The following OTOGL variants were observed in gnomAD, a reference collection of about 807,000 sequenced individuals.
OTOGL encodes otogelin like.
Under a neutral mutation model 318.5 loss-of-function variants are expected in OTOGL, and 285 were observed. That is an observed-to-expected ratio of 0.89 (90% CI 0.81 to 0.99). The LOEUF (loss-of-function observed/expected upper bound fraction) is 0.99, where lower values mean the gene tolerates loss of function less well. Among genes scored for constraint, OTOGL ranks in the 50% least tolerant of loss-of-function variants. The pLI is 0.00. For synonymous variants in OTOGL, 987 were observed against 936.5 expected, an observed-to-expected ratio of 1.05 and a Z score of -0.99; for missense variants, 2,899 against 2,845.6, an observed-to-expected ratio of 1.02 and a Z score of -0.43.
At chr12:80,199,601 A>G (rs1396141568) in intron 1 of OTOGL, among the ~76,000 whole-genome samples, 2 of 152,212 alleles carry the variant, frequency 1.3e-5, no homozygotes, top group African/African-American at 2.4e-5. Flanking sequence ...TAGAATTCAT[A>G]CCATCTAATG....
chr12:80,233,160 TG>T, intron 9 of OTOGL, 63 bp downstream of exon 9: 18 of 1,409,308 alleles, frequency 1.3e-5, no homozygotes, highest in Non-Finnish European at 1.7e-5. Context: ...CTGACCAAGT[TG>T]TTTGTACCCA....
intron 1 of OTOGL, among the ~76,000 whole-genome samples, chr12:80,139,574 T>C (rs1664126741): frequency 6.6e-6 from 1 of 152,194 alleles, no homozygotes; most frequent in Admixed American, 6.5e-5. Context: ...TGTTGTTTGT[T>C]TGTTTGATGG....
intron 29 of OTOGL, among the ~76,000 whole-genome samples, chr12:80,306,851 C>A (rs1338410917): frequency 1.4e-5 from 2 of 147,096 alleles, no homozygotes; most frequent in African/African-American, 5.1e-5. Context: ...GTGTTTCTCG[C>A]AGAGGGGGAT....
At chr12:80,128,999 A>G (rs1871058555) in intron 1 of OTOGL, among the ~76,000 whole-genome samples, 2 of 152,134 alleles carry the variant, frequency 1.3e-5, no homozygotes, top group South Asian at 2.1e-4. Context: ...GGGTGAGGTG[A>G]TGCCTCGCCC....
Position 80,283,424 on chromosome 12 carries a change from A to G in OTOGL, c.2928+4258A>G, listed in dbSNP as rs540782048. ...TCTGCTCCCTCAAAGTCATGTGTTC[A>G]GCTCACAGTTATCTGTCCTGTTCTT... On this transcript the variant is annotated intron_variant, in intron 26 of 58. Transcript: ENST00000547103. 1.4e-3 allele frequency among the ~76,000 whole-genome samples: 207 copies of G among 152,048 alleles called. 2 individuals carry two copies. The South Asian group carries it at 0.041, about 30-fold the overall frequency.
chr12:80,274,056 C>T (rs1022401625), intron 24 of OTOGL, among the ~76,000 whole-genome samples: 5 of 151,880 alleles, frequency 3.3e-5, no homozygotes, highest in African/African-American at 1.2e-4. Context: ...CCCTGAGACA[C>T]AATACTGAAA....
At chr12:80,276,574 A>G (rs540308891) in intron 24 of OTOGL, among the ~76,000 whole-genome samples, 3 of 151,798 alleles carry the variant, frequency 2.0e-5, no homozygotes, top group African/African-American at 7.2e-5. Flanking sequence ...ATTGCATCGA[A>G]TTGAGTTGTA....
chr12:80,308,087 G>T (rs1337913691), intron 29 of OTOGL, among the ~76,000 whole-genome samples: 1 of 139,214 alleles, frequency 7.2e-6, no homozygotes, highest in South Asian at 2.2e-4. Flanking sequence ...CGGCTGGCCG[G>T]GTGGGGGGCT....
intron 23 of OTOGL, among the ~76,000 whole-genome samples, chr12:80,270,715 A>C (rs543203110): frequency 1.3e-5 from 2 of 152,200 alleles, no homozygotes; most frequent in South Asian, 4.1e-4. Flanking sequence ...ATGCATGTAA[A>C]ATGACATCCA....
At position 80,351,537 on chromosome 12, in the gene OTOGL, A is replaced by G. The variant is rs141012715; in HGVS notation, c.5266-758A>G. Among the ~76,000 whole-genome samples the G allele has an allele frequency of 8.2e-3, 1,253 of 152,114 alleles. 12 individuals are homozygous for G. The highest frequency in any genetic ancestry group is 0.025 in the African/African-American group (1,022 of 41,474). On this transcript the variant is annotated intron_variant, in intron 44 of 58. Coordinates refer to ENST00000547103, the MANE Select transcript of OTOGL (RefSeq NM_001378609.3). The stretch of plus-strand genomic sequence containing the variant: ...CACCATGTTGGCCAGGATGGTGTCA[A>G]TCTCTTGACCTCGTGATCCACCTGC...
Position 80,129,609 on chromosome 12 carries a change from A to AT in OTOGL, c.-20+30014dup, listed in dbSNP as rs552821527. Among the ~76,000 whole-genome samples, 35 of 148,156 alleles carry AT rather than the reference A, an allele frequency of 2.4e-4. No homozygotes were observed. The East Asian group carries it at 3.2e-3, about 13-fold the overall frequency. ...TCTTGATACCTTGAATCACTATCTC[A>AT]TTTTTTTTTTCTTTTACATTTTCTT... On this transcript the variant is annotated intron_variant, in intron 1 of 58. Coordinates refer to ENST00000547103, the MANE Select transcript of OTOGL (RefSeq NM_001378609.3).
At chr12:80,161,138 G>C (rs1442980421) in intron 1 of OTOGL, among the ~76,000 whole-genome samples, 3 of 151,930 alleles carry the variant, frequency 2.0e-5, no homozygotes, top group African/African-American at 7.3e-5. Context: ...AGGGTATACT[G>C]CTTGGGTGAT....
intron 22 of OTOGL, among the ~76,000 whole-genome samples, chr12:80,269,342 T>C (rs939202909): frequency 2.0e-5 from 3 of 152,184 alleles, no homozygotes; most frequent in Non-Finnish European, 4.4e-5. Context: ...TTTTCCTATA[T>C]GTGGCTCTTG....
chr12:80,138,280 C>T (rs1009679887), intron 1 of OTOGL, among the ~76,000 whole-genome samples: 7 of 151,956 alleles, frequency 4.6e-5, no homozygotes, highest in East Asian at 1.9e-4. Flanking sequence ...TTGGTTGATA[C>T]GATAATTTTC....
At chr12:80,230,341 C>A (rs1343385182) in intron 8 of OTOGL, among the ~76,000 whole-genome samples, 1 of 152,098 alleles carries the variant, frequency 6.6e-6, no homozygotes, top group East Asian at 1.9e-4. Flanking sequence ...GGCTTATTTT[C>A]TTGGTCAGTT....
intron 44 of OTOGL, among the ~76,000 whole-genome samples, chr12:80,344,575 A>G (rs1335465391): frequency 6.6e-6 from 1 of 152,200 alleles, no homozygotes; most frequent in Non-Finnish European, 1.5e-5. Context: ...TGGGCATCAA[A>G]TTATGTTGTG....
Position 80,267,295 on chromosome 12 carries a change from T to G in OTOGL, c.2433T>G (p.Pro811=). The change falls in exon 22 of 59, where the codon CCT becomes CCG. Residue 811 remains proline, a synonymous_variant. Transcript: ENST00000547103. The part of the protein sequence containing the change: ...RCHYRGSVYQ[P]GELIPTPSGL... ...ATTATAGGGGCAGTGTTTATCAACCTGGAGAGCTCATCCCCACACCCTCGG... is the reference window on the plus strand; with the variant it reads ...ATTATAGGGGCAGTGTTTATCAACCGGGAGAGCTCATCCCCACACCCTCGG... The G allele has an allele frequency of 6.4e-7, 1 of 1,566,196 alleles. No individual in the cohort carries two copies. The highest frequency in any genetic ancestry group is 8.7e-7 in the Non-Finnish European group (1 of 1,144,740).
chr12:80,108,011 C>G (rs137957719), intron 1 of OTOGL, among the ~76,000 whole-genome samples: 2 of 151,964 alleles, frequency 1.3e-5, no homozygotes, highest in Non-Finnish European at 2.9e-5. Context: ...GTTTATTACC[C>G]ACATGATGAA....
At chr12:80,368,141 T>G in intron 54 of OTOGL, 64 bp from the exon 55 acceptor site, 2 of 1,199,906 alleles carry the variant, frequency 1.7e-6, no homozygotes, top group Non-Finnish European at 2.4e-6. Flanking sequence ...AAGAAATAAC[T>G]CTCCAGAAGT....
Sources: gnomAD v4.1 joint callset for allele counts (sites outside exome capture counted in the v4.1 genomes callset) on GRCh38, gnomAD v4.1.1 for gene constraint, MANE v1.5 for transcripts, NCBI Gene and HGNC (gene_info 2026-07-23, HGNC 2026-07-21) for gene names.